Variants in RYR3 observed in about 807,000 individuals in gnomAD.
RYR3 encodes ryanodine receptor 3, also known as brain ryanodine receptor-calcium release channel.
RYR3 carries 207 observed loss-of-function variants against 584.3 expected under a neutral mutation model. That is an observed-to-expected ratio of 0.35 (90% CI 0.32 to 0.40). The LOEUF (loss-of-function observed/expected upper bound fraction) is 0.40, where lower values mean the gene tolerates loss of function less well. Among genes scored for constraint, RYR3 ranks in the 10% least tolerant of loss-of-function variants. The pLI, the probability that RYR3 is intolerant of heterozygous loss-of-function variation, is 1.00. For synonymous variants in RYR3, 2,416 were observed against 2,248.5 expected (o/e 1.07, Z -2.11); for missense variants, 5,616 against 6,089.2 (o/e 0.92, Z 2.59).
chr15:33,784,168 C>T (rs543285180), intron 65 of RYR3, among the ~76,000 whole-genome samples: 11 of 152,356 alleles, frequency 7.2e-5, no homozygotes, highest in African/African-American at 2.6e-4. Flanking sequence ...CTTGTCTCAG[C>T]TGCAGATTCA....
intron 8 of RYR3, 53 bp downstream of exon 8, chr15:33,543,768 A>C (rs1334409984): frequency 8.8e-7 from 1 of 1,135,204 alleles, no homozygotes; most frequent in African/African-American, 1.5e-5. Flanking sequence ...CAAATGACTC[A>C]AACTAAAGAG....
chr15:33,693,120 G>T (rs1362984001), intron 38 of RYR3, among the ~76,000 whole-genome samples: 1 of 152,210 alleles, frequency 6.6e-6, no homozygotes, highest in Non-Finnish European at 1.5e-5. Flanking sequence ...AGAGGAAATT[G>T]TACTGACGGG....
intron 87 of RYR3, among the ~76,000 whole-genome samples, chr15:33,836,156 T>G (rs2152977872): frequency 6.9e-6 from 1 of 144,106 alleles, no homozygotes; most frequent in South Asian, 2.3e-4. Context: ...TTCTTTTCTT[T>G]TGCTTTTTTT....
intron 5 of RYR3, among the ~76,000 whole-genome samples, chr15:33,538,574 G>C (rs2141126793): frequency 6.6e-6 from 1 of 152,270 alleles, no homozygotes. Context: ...CTATAGCGTG[G>C]AGGAGGAGAG....
intron 31 of RYR3, among the ~76,000 whole-genome samples, chr15:33,652,197 A>G (rs2062516679): frequency 6.6e-6 from 1 of 152,196 alleles, no homozygotes; most frequent in African/African-American, 2.4e-5. Context: ...GCAAGGTGTC[A>G]GAGAAAAACT....
chr15:33,544,227 CATG>C (rs1380307031), intron 8 of RYR3, among the ~76,000 whole-genome samples: 1 of 152,050 alleles, frequency 6.6e-6, no homozygotes, highest in Non-Finnish European at 1.5e-5. Flanking sequence ...AAAACCATGA[CATG>C]GAGGATATGA....
chr15:33,821,438 A>G, intron 79 of RYR3, 69 bp downstream of exon 79: 1 of 1,582,554 alleles, frequency 6.3e-7, no homozygotes. Flanking sequence ...ACATACAGCC[A>G]TTATTAAAGA....
chr15:33,474,065 T>C (rs950621463), intron 2 of RYR3, among the ~76,000 whole-genome samples: 9 of 152,220 alleles, frequency 5.9e-5, no homozygotes, highest in African/African-American at 2.2e-4. Context: ...GCAATAATGC[T>C]GTGTCTTTTC....
At position 33,644,346 on chromosome 15, in the gene RYR3, A is replaced by G. The variant is rs1199279026; in HGVS notation, c.3592A>G (p.Ile1198Val). ...CATCTGCTGTCTGGGTCTATCTCAG[A>G]TCGGCCGCATGAATCTCGGGACAGA... The part of the protein sequence containing the change: ...VPICCLGLSQ[I>V]GRMNLGTDAS... The change falls in exon 28 of 104, where the codon ATC (isoleucine) becomes GTC (valine). Residue 1198 changes from isoleucine (I) to valine (V), a missense_variant. Physicochemically the swap from Ile to Val is conservative, Grantham distance 29 (BLOSUM62 3). Around this residue, in one of 9 missense-constraint regions of RYR3, gnomAD observed 152 missense variants for 200.9 expected, o/e 0.76. Coordinates refer to ENST00000634891, the MANE Select transcript of RYR3 (RefSeq NM_001036.6). 2 of 1,612,730 alleles carry G rather than the reference A, an allele frequency of 1.2e-6. No individual in the cohort carries two copies. The highest frequency in any genetic ancestry group is 1.7e-6 in the Non-Finnish European group (2 of 1,179,544).
intron 1 of RYR3, among the ~76,000 whole-genome samples, chr15:33,433,477 CAT>C (rs1225795152): frequency 1.3e-5 from 2 of 151,660 alleles, no homozygotes; most frequent in East Asian, 3.9e-4. Flanking sequence ...TATAAGATGA[CAT>C]AGAAGTAATG....
intron 91 of RYR3, among the ~76,000 whole-genome samples, chr15:33,842,956 A>AT (rs962068191): frequency 3.3e-5 from 5 of 151,534 alleles, no homozygotes; most frequent in East Asian, 3.9e-4. Context: ...ATTCTAAGCA[A>AT]TTTTTTTTTA....
chr15:33,809,770 G>T (rs2076417988), intron 70 of RYR3, among the ~76,000 whole-genome samples: 1 of 151,990 alleles, frequency 6.6e-6, no homozygotes, highest in Non-Finnish European at 1.5e-5. Flanking sequence ...CAAGTAGCTG[G>T]GATTACAGGC....
intron 46 of RYR3, among the ~76,000 whole-genome samples, chr15:33,728,497 G>A (rs549296665): frequency 7.9e-5 from 12 of 152,312 alleles, no homozygotes; most frequent in South Asian, 6.2e-4. Flanking sequence ...TGCCTTCAGC[G>A]CAGCACTGTA....
chr15:33,454,839 G>T (rs1443150305), intron 1 of RYR3, among the ~76,000 whole-genome samples: 1 of 152,194 alleles, frequency 6.6e-6, no homozygotes. Context: ...GTTGGTGAGG[G>T]CGGGTAGGAA....
chr15:33,846,862 T>G (rs2078754477), intron 93 of RYR3, among the ~76,000 whole-genome samples: 1 of 152,236 alleles, frequency 6.6e-6, no homozygotes, highest in African/African-American at 2.4e-5. Context: ...TCAGAACACA[T>G]AGTAAACCCT....
chr15:33,780,020 G>A (rs1457909635), intron 64 of RYR3, among the ~76,000 whole-genome samples, 191 bp from the exon 65 acceptor site: 1 of 152,006 alleles, frequency 6.6e-6, no homozygotes, highest in Non-Finnish European at 1.5e-5. Flanking sequence ...CAAAAAAAAA[G>A]AACTAGGATC....
chr15:33,639,925 C>G (rs1008715140), intron 27 of RYR3, among the ~76,000 whole-genome samples: 1 of 152,202 alleles, frequency 6.6e-6, no homozygotes, highest in Non-Finnish European at 1.5e-5. Context: ...TTAGCCTTCT[C>G]TTTTCCTCTG....
intron 46 of RYR3, among the ~76,000 whole-genome samples, chr15:33,726,801 A>G (rs2068499269): frequency 6.6e-6 from 1 of 152,260 alleles, no homozygotes; most frequent in Admixed American, 6.5e-5. Flanking sequence ...CACCAATGTA[A>G]TGTCACTGAA....
rs191387535 is a variant in RYR3, at chr15:33,854,940, A to G, written c.14007+28A>G. 70 of 1,590,720 alleles carry G rather than the reference A, an allele frequency of 4.4e-5. 1 individual carries two copies. The East Asian group carries it at 1.6e-3, about 36-fold the overall frequency. On this transcript the variant is annotated intron_variant, in intron 98 of 103. Coordinates refer to ENST00000634891, the MANE Select transcript of RYR3 (RefSeq NM_001036.6). ...ATGGTTTCTACTGATGCAGAACAGAATGGACCTGTATATGCACAGGAAAAA... is the reference window on the plus strand; with the variant it reads ...ATGGTTTCTACTGATGCAGAACAGAGTGGACCTGTATATGCACAGGAAAAA...
Sources: allele counts gnomAD v4.1 joint callset (sites outside exome capture counted in the v4.1 genomes callset), GRCh38; gene constraint gnomAD v4.1.1; regional missense constraint gnomAD v4.1.1; transcripts MANE v1.5; gene names NCBI Gene and HGNC (gene_info 2026-07-23, HGNC 2026-07-21).